The following SIGLEC1 variants were observed in gnomAD, a reference collection of about 807,000 sequenced individuals.
SIGLEC1 encodes sialic acid binding Ig like lectin 1, also known as sialoadhesin.
Under a neutral mutation model 148.0 loss-of-function variants are expected in SIGLEC1, and 132 were observed. The ratio of observed to expected loss-of-function variants is 0.89; its 90% confidence interval spans 0.77 to 1.03. The LOEUF is 1.03. Ranked by LOEUF, SIGLEC1 falls within the 50% of genes least tolerant of loss-of-function variation. The pLI is 0.00. For missense variants in SIGLEC1, 2,253 were observed against 2,271.4 expected, an observed-to-expected ratio of 0.99 and a Z score of 0.16; for synonymous variants, 945 against 969.0, an observed-to-expected ratio of 0.98 and a Z score of 0.46.
intron 1 of SIGLEC1, among the ~76,000 whole-genome samples, chr20:3,708,994 A>AG (rs1396137712): frequency 7.1e-6 from 1 of 139,926 alleles, no homozygotes; most frequent in Non-Finnish European, 1.5e-5. Context: ...ACGGTGAGCC[A>AG]GGATCACGCC....
Position 3,699,281 on chromosome 20 carries a change from G to A in SIGLEC1, c.1707C>T (p.Asp569=), listed in dbSNP as rs74423567. 0.054 allele frequency: 86,629 copies of A among 1,608,708 alleles called. 2,659 individuals carry two copies. Among genetic ancestry groups the A allele is most frequent in the Non-Finnish European group, 0.063 (74,169 of 1,178,244 alleles). The change falls in exon 8 of 22, where the codon GAC becomes GAT. Residue 569 remains aspartate (D), a synonymous_variant. Transcript: ENST00000344754. The part of the protein sequence containing the change: ...SLLLPAASST[D]AGSYHCRARD... ...GGGCCCGGCAGTGGTATGAGCCGGC[G>A]TCAGTGCTGGAGGCCGCGGGGAGCA...
chr20:3,688,465 G>A lies in SIGLEC1; in HGVS notation c.*95C>T, dbSNP rs1393103819. 31 of 1,048,430 alleles carry A rather than the reference G, an allele frequency of 3.0e-5. No individual in the cohort carries two copies. The highest frequency in any genetic ancestry group is 4.2e-5 in the Non-Finnish European group (29 of 690,054). The allele number at this position is 1,048,430 out of a possible 1,614,324, so 64.9% of individuals were successfully genotyped here. ...GTCACAGAGCTGTTTTCGTAGAGGC[G>A]GGCAGGACTCAACACTGCCTCATTC... On this transcript the variant is annotated 3_prime_UTR_variant, in exon 22 of 22. Transcript: ENST00000344754.
At chr20:3,693,919 C>A (rs1270752482) in intron 13 of SIGLEC1, among the ~76,000 whole-genome samples, 1 of 152,196 alleles carries the variant, frequency 6.6e-6, no homozygotes, top group Non-Finnish European at 1.5e-5. Context: ...TCCTGGAAAG[C>A]CCTGAGCCCC....
At chr20:3,700,778 A>G (rs576640049) in intron 7 of SIGLEC1, among the ~76,000 whole-genome samples, 3 of 145,454 alleles carry the variant, frequency 2.1e-5, no homozygotes, top group East Asian at 2.0e-4. Context: ...TTGGCCCACT[A>G]CAACTTCCAC....
Position 3,687,667 on chromosome 20 carries a change from T to G in SIGLEC1, c.*893A>C, listed in dbSNP as rs1223107776. ...AACCAGAATGGCCAGGGGCACACCC[T>G]GGCCCTCAGTAGATGGGCACTGAGA... On this transcript the variant is annotated 3_prime_UTR_variant, in exon 22 of 22. Transcript: ENST00000344754. 6.6e-6 allele frequency: 1 copy of G among 152,262 alleles called. No individual in the cohort carries two copies. Among genetic ancestry groups the G allele is most frequent in the Non-Finnish European group, 1.5e-5 (1 of 68,048 alleles). The allele number at this position is 152,262 out of a possible 1,614,324, so 9.4% of individuals were successfully genotyped here. A position where few individuals can be genotyped will look rare whatever the true frequency, so the allele number is the denominator to read the frequency against.
chr20:3,691,544 G>A lies in SIGLEC1; in HGVS notation c.4387C>T (p.Leu1463Phe). 1 of 1,613,176 alleles carries A rather than the reference G, an allele frequency of 6.2e-7. No individual in the cohort carries two copies. The highest frequency in any genetic ancestry group is 8.5e-7 in the Non-Finnish European group (1 of 1,180,002). ...GGGCCACCCAGGAGGCGGCAGCTGAGGTTCAGGGCAGCGCCCTCAGGCACG... is the reference window on the plus strand; with the variant it reads ...GGGCCACCCAGGAGGCGGCAGCTGAAGTTCAGGGCAGCGCCCTCAGGCACG... ...LDVPEGAALN[L>F]SCRLLGGPGP... The change falls in exon 18 of 22, where the codon CTC (leucine) becomes TTC (phenylalanine). Residue 1463 changes from leucine (L) to phenylalanine (F), a missense_variant. By Grantham distance (22) the Leu-to-Phe change is conservative. Coordinates refer to ENST00000344754, the MANE Select transcript of SIGLEC1 (RefSeq NM_023068.4).
At position 3,688,566 on chromosome 20, in the gene SIGLEC1, C is replaced by T; in HGVS notation, c.5124G>A (p.Leu1708=). The change falls in exon 22 of 22, where the codon CTG becomes CTA. Residue 1708 remains leucine (L), a synonymous_variant. Coordinates refer to ENST00000344754, the MANE Select transcript of SIGLEC1 (RefSeq NM_023068.4). ...GGGCAGGCAACACCACTGGTCAGCC[C>T]AGGGGTGGGGCACAGGTTGAGGTCT... ...TCETSTCAPP[L]G is the part of the protein sequence containing the mutation. 1 of 1,599,650 alleles carries T rather than the reference C, an allele frequency of 6.3e-7. No individual in the cohort carries two copies. The highest frequency in any genetic ancestry group is 8.5e-7 in the Non-Finnish European group (1 of 1,172,556).
intron 6 of SIGLEC1, among the ~76,000 whole-genome samples, chr20:3,702,753 G>A (rs1164918432): frequency 1.3e-5 from 2 of 152,170 alleles, no homozygotes; most frequent in East Asian, 1.9e-4. Flanking sequence ...ATATGCATAT[G>A]TATATAGAGT....
intron 7 of SIGLEC1, among the ~76,000 whole-genome samples, chr20:3,700,106 CTTTTTTTTTTT>C (rs58342380): frequency 5.5e-5 from 2 of 36,064 alleles, no homozygotes; most frequent in Non-Finnish European, 9.5e-5. Flanking sequence ...CTGTGGCCAG[CTTTTTTTTTTT>C]TTTTTTTTTT....
chr20:3,699,625 G>A (rs925987597), intron 7 of SIGLEC1, among the ~76,000 whole-genome samples, 166 bp from the exon 8 acceptor site: 4 of 152,172 alleles, frequency 2.6e-5, no homozygotes, highest in African/African-American at 9.7e-5. Context: ...CAGATCTATT[G>A]GTAGTAGATG....
chr20:3,703,237 A>G lies in SIGLEC1; in HGVS notation c.1188T>C (p.His396=), dbSNP rs1481379925. ...TGACAGGGCCCGAGCGCTCGCTGCCATGGACGTTCTGCACCTCACAGAAGT... is the reference window on the plus strand; with the variant it reads ...TGACAGGGCCCGAGCGCTCGCTGCCGTGGACGTTCTGCACCTCACAGAAGT... The part of the protein sequence containing the change: ...GFYFCEVQNV[H]GSERSGPVSV... The change falls in exon 6 of 22, where the codon CAT becomes CAC. Residue 396 remains histidine, a synonymous_variant. Coordinates refer to ENST00000344754, the MANE Select transcript of SIGLEC1 (RefSeq NM_023068.4). 5.0e-6 allele frequency: 8 copies of G among 1,614,154 alleles called. No homozygotes were observed. Among genetic ancestry groups the G allele is most frequent in the Middle Eastern group, 1.7e-4 (1 of 6,060 alleles).
Position 3,694,403 on chromosome 20 carries a change from G to A in SIGLEC1, c.3074C>T (p.Ala1025Val), listed in dbSNP as rs751230460. 6.2e-7 allele frequency: 1 copy of A among 1,613,004 alleles called. No individual in the cohort carries two copies. Among genetic ancestry groups the A allele is most frequent in the South Asian group, 1.1e-5 (1 of 91,078 alleles). ...TCCCCCCACACCTTGTAGGGTGGAGGCCACAAGGCGATCCCCGTGGAGCAG... is the reference window on the plus strand; with the variant it reads ...TCCCCCCACACCTTGTAGGGTGGAGACCACAAGGCGATCCCCGTGGAGCAG... ...LRLLHGDRLV[A>V]STLQGVGGPE... Residue 1025 changes from alanine (A) to valine (V), a missense_variant, in exon 13 of 22, where the codon GCC (alanine) becomes GTC (valine). Coordinates refer to ENST00000344754, the MANE Select transcript of SIGLEC1 (RefSeq NM_023068.4).
At chr20:3,688,745 G>C in intron 21 of SIGLEC1, 126 bp from the exon 22 acceptor site, 2 of 698,276 alleles carry the variant, frequency 2.9e-6, no homozygotes, top group Non-Finnish European at 4.8e-6. Context: ...GTGTGACTTG[G>C]AGCCCTGGCC....
chr20:3,691,902 C>T lies in SIGLEC1; in HGVS notation c.4330+1G>A, dbSNP rs1432174894. The T allele has an allele frequency of 6.4e-7, 1 of 1,567,932 alleles. No homozygotes were observed. Among genetic ancestry groups the T allele is most frequent in the East Asian group, 2.3e-5 (1 of 44,142 alleles). On this transcript the variant is annotated splice_donor_variant, in intron 17 of 21. Coordinates refer to ENST00000344754, the MANE Select transcript of SIGLEC1 (RefSeq NM_023068.4). LOFTEE classifies it high-confidence loss of function. ...CTCCTCCTCCCCTCTCTTCCACTCA[C>T]CTTCTACCTGCAACCGCCCGATGGT...
chr20:3,689,611 G>A lies in SIGLEC1; in HGVS notation c.4986C>T (p.Cys1662=), dbSNP rs1382286032. ...AGCTCCAGACCCACCTCCAGGTGTA[G>A]CAGGCCCCCAGGCCCAACAGCAGGA... The part of the protein sequence containing the change: ...LLLLLLGLGA[C]YTWRRRRVCK... Residue 1662 remains cysteine, a synonymous_variant, in exon 20 of 22, where the codon TGC becomes TGT. Coordinates refer to ENST00000344754, the MANE Select transcript of SIGLEC1 (RefSeq NM_023068.4). 9 of 1,578,996 alleles carry A rather than the reference G, an allele frequency of 5.7e-6. No homozygotes were observed. The highest frequency in any genetic ancestry group is 7.7e-6 in the Non-Finnish European group (9 of 1,162,368).
intron 3 of SIGLEC1, 106 bp from the exon 4 acceptor site, chr20:3,706,146 G>C: frequency 1.5e-6 from 2 of 1,349,020 alleles, no homozygotes; most frequent in Non-Finnish European, 2.0e-6. Flanking sequence ...GGGCTTTTAG[G>C]GGAAGGAAAG....
chr20:3,703,093 G>A (rs1251909319), intron 6 of SIGLEC1, 104 bp downstream of exon 6: 1 of 1,435,406 alleles, frequency 7.0e-7, no homozygotes, highest in South Asian at 1.2e-5. Flanking sequence ...CTCCAGGTAA[G>A]TGGCCTTGAA....
intron 1 of SIGLEC1, among the ~76,000 whole-genome samples, chr20:3,712,215 G>A (rs576517528): frequency 4.3e-4 from 65 of 152,138 alleles, no homozygotes; most frequent in South Asian, 2.9e-3. Context: ...TGGGGCTGAG[G>A]TAGGGTCAGA....
At chr20:3,693,765 T>C (rs1600281781) in intron 13 of SIGLEC1, 67 bp from the exon 14 acceptor site, 2 of 1,460,482 alleles carry the variant, frequency 1.4e-6, no homozygotes, top group East Asian at 4.7e-5. Context: ...GCCACCTGTC[T>C]CCATGTGGGT....
Sources: allele counts gnomAD v4.1 joint callset (sites outside exome capture counted in the v4.1 genomes callset), GRCh38; gene constraint gnomAD v4.1.1; transcripts MANE v1.5; gene names NCBI Gene and HGNC (gene_info 2026-07-23, HGNC 2026-07-21).